The following TFAP2B variants were observed in gnomAD, a reference collection of about 807,000 sequenced individuals.
TFAP2B encodes transcription factor AP-2 beta, also known as transcription factor AP-2-beta.
A neutral mutation model predicts 44.3 loss-of-function variants in TFAP2B; 9 were observed. The ratio of observed to expected loss-of-function variants is 0.20; its 90% CI spans 0.12 to 0.35. The LOEUF is 0.35. Among genes scored for constraint, TFAP2B ranks in the 10% least tolerant of loss-of-function variants. The probability of loss-of-function intolerance (pLI) is 1.00; values close to 1 mark genes in which losing one functional copy is unlikely to be tolerated. For missense variants in TFAP2B, 509 were observed against 600.0 expected (o/e 0.85, Z 1.59); for synonymous variants, 270 against 263.8 (o/e 1.02, Z -0.23).
rs142077493 is a variant in TFAP2B, at chr6:50,821,410, T to C, written c.82-1997T>C. On this transcript the variant is annotated intron_variant, in intron 1 of 6. Transcript: ENST00000393655. ...TGATGAAGCAACCCTTTTTATTTTG[T>C]TTTTGTAATCCTCACACAAAGCACC... Among the ~76,000 whole-genome samples, 140 of 152,312 alleles carry C rather than the reference T, an allele frequency of 9.2e-4. No homozygotes were observed. The East Asian group carries it at 0.025, about 28-fold the overall frequency.
At chr6:50,819,372 C>A (rs1391761667) in intron 1 of TFAP2B, among the ~76,000 whole-genome samples, 1 of 151,582 alleles carries the variant, frequency 6.6e-6, no homozygotes, top group Non-Finnish European at 1.5e-5. Flanking sequence ...GGTTTTCAAG[C>A]CTCATTTGTA....
chr6:50,826,349 G>A (rs1178020780), intron 2 of TFAP2B, among the ~76,000 whole-genome samples: 1 of 152,152 alleles, frequency 6.6e-6, no homozygotes, highest in Non-Finnish European at 1.5e-5. Flanking sequence ...TGGGTCGAGG[G>A]TTTTGTTGTG....
Position 50,844,813 on chromosome 6 carries a change from A to G in TFAP2B, c.*1421A>G, listed in dbSNP as rs980349193. 6.6e-6 allele frequency: 1 copy of G among 152,272 alleles called. No homozygotes were observed. The highest frequency in any genetic ancestry group is 2.4e-5 in the African/African-American group (1 of 41,472). The allele number at this position is 152,272 out of a possible 1,614,324, so 9.4% of individuals were successfully genotyped here. A position where few individuals can be genotyped will look rare whatever the true frequency, so the allele number is the denominator to read the frequency against. On this transcript the variant is annotated 3_prime_UTR_variant, in exon 7 of 7. Transcript: ENST00000393655. ...TGGACGTGGGGAGGAGGGCGGCACAAGCACCCACATTTCTGTAACAATTGC... is the reference window on the plus strand; with the variant it reads ...TGGACGTGGGGAGGAGGGCGGCACAGGCACCCACATTTCTGTAACAATTGC...
At chr6:50,834,490 G>C (rs1762581845) in intron 3 of TFAP2B, among the ~76,000 whole-genome samples, 1 of 152,164 alleles carries the variant, frequency 6.6e-6, no homozygotes, top group African/African-American at 2.4e-5. Context: ...TTTTCCACAA[G>C]GTGTTTGTAA....
upstream of TFAP2B, among the ~76,000 whole-genome samples, chr6:50,818,377 A>T (rs1287419435): frequency 6.6e-6 from 1 of 152,188 alleles, no homozygotes; most frequent in East Asian, 1.9e-4. Flanking sequence ...AACATACATG[A>T]ATAGGAGGGA....
chr6:50,834,086 G>A (rs942801391), intron 3 of TFAP2B, among the ~76,000 whole-genome samples: 1 of 152,156 alleles, frequency 6.6e-6, no homozygotes, highest in Non-Finnish European at 1.5e-5. Context: ...CCTTCACTAT[G>A]AGTCTGAATT....
chr6:50,833,192 A>C (rs898948439), intron 3 of TFAP2B, among the ~76,000 whole-genome samples: 2 of 152,228 alleles, frequency 1.3e-5, no homozygotes, highest in African/African-American at 4.8e-5. Flanking sequence ...AATTACTAAC[A>C]AATCAACCAG....
intron 3 of TFAP2B, among the ~76,000 whole-genome samples, chr6:50,831,725 TC>T (rs1346331023): frequency 6.6e-6 from 1 of 152,080 alleles, no homozygotes; most frequent in East Asian, 1.9e-4. Context: ...GTTGCTTAAC[TC>T]AAAAAAAGGC....
chr6:50,823,928 G>C (rs1263101635), intron 2 of TFAP2B, 63 bp downstream of exon 2: 2 of 1,509,376 alleles, frequency 1.3e-6, no homozygotes, highest in Admixed American at 2.0e-5. Flanking sequence ...CTTCTGGAGG[G>C]GGGGAGGTCA....
In TFAP2B at chr6:50,838,041, C is replaced by G; in HGVS notation, c.888C>G (p.Pro296=). Residue 296 remains proline, a synonymous_variant, in exon 5 of 7, where the codon CCC becomes CCG. Transcript: ENST00000393655. Reference sequence around the variant, plus strand: ...TAGAAAAAATCGGTTTGAATTTACCCGCGGGCAGGCGCAAAGCAGCAAATG... The same window carrying G: ...TAGAAAAAATCGGTTTGAATTTACCGGCGGGCAGGCGCAAAGCAGCAAATG... ...ERLEKIGLNL[P]AGRRKAANVT... 1 of 1,614,140 alleles carries G rather than the reference C, an allele frequency of 6.2e-7. No individual in the cohort carries two copies. The highest frequency in any genetic ancestry group is 8.5e-7 in the Non-Finnish European group (1 of 1,180,022).
At chr6:50,840,012 C>A in intron 5 of TFAP2B, 144 bp from the exon 6 acceptor site, 1 of 1,087,308 alleles carries the variant, frequency 9.2e-7, no homozygotes. Flanking sequence ...AATCATTTTT[C>A]CTTTAGGCAT....
chr6:50,821,551 G>T (rs1369298196), intron 1 of TFAP2B, among the ~76,000 whole-genome samples: 3 of 152,100 alleles, frequency 2.0e-5, no homozygotes, highest in Non-Finnish European at 4.4e-5. Flanking sequence ...AGGAGCAGGG[G>T]CTGCTTTACT....
Position 50,823,348 on chromosome 6 carries a change from T to C in TFAP2B, c.82-59T>C, listed in dbSNP as rs1770407751. ...TGTACTCTCTGTCTCTCTCTGCCTC[T>C]ATCTCTCTTTCTCTGTCTCCTTCTC... is the stretch of plus-strand genomic sequence containing the variant. On this transcript the variant is annotated intron_variant, in intron 1 of 6. Coordinates refer to ENST00000393655, the MANE Select transcript of TFAP2B (RefSeq NM_003221.4). 24 of 1,415,268 alleles carry C rather than the reference T, an allele frequency of 1.7e-5. No individual in the cohort carries two copies. The Middle Eastern group carries it at 6.9e-4, about 41-fold the overall frequency. 87.7% of individuals were successfully genotyped at this position (1,415,268 alleles called of 1,614,324 possible).
intron 1 of TFAP2B, among the ~76,000 whole-genome samples, chr6:50,820,496 A>G (rs911206436): frequency 1.3e-5 from 2 of 152,368 alleles, no homozygotes; most frequent in South Asian, 2.1e-4. Context: ...AGAGAGCGCG[A>G]GAGAGCAGAG....
Position 50,846,546 on chromosome 6 carries a change from CAGG to C in TFAP2B, c.*3160_*3162del, listed in dbSNP as rs762548750. ...AGTCCCAAAACAAAATAGCGAAAGACAGGAGGAGTCAGGATGTGGCAGTGCTGC... is the reference window on the plus strand; with the variant it reads ...AGTCCCAAAACAAAATAGCGAAAGACAGGAGTCAGGATGTGGCAGTGCTGC... On this transcript the variant is annotated 3_prime_UTR_variant, in exon 7 of 7. Coordinates refer to ENST00000393655, the MANE Select transcript of TFAP2B (RefSeq NM_003221.4). The C allele has an allele frequency of 2.7e-3, 406 of 152,512 alleles. 2 individuals are homozygous for C. Among genetic ancestry groups the C allele is most frequent in the Non-Finnish European group, 2.6e-3 (179 of 68,094 alleles). 9.4% of individuals were successfully genotyped at this position (152,512 alleles called of 1,614,324 possible).
rs1034249426 is a variant in TFAP2B, at chr6:50,823,270, C to T, written c.82-137C>T. The stretch of plus-strand genomic sequence containing the variant: ...CTTGCTTCCCTTGTCCCGGGAAGAG[C>T]GTACAAAAGCCGGGCTTCTCCATTT... On this transcript the variant is annotated intron_variant, in intron 1 of 6. Transcript: ENST00000393655. The T allele has an allele frequency of 6.7e-4, 529 of 790,004 alleles. 4 individuals carry two copies. Among genetic ancestry groups the T allele is most frequent in the Non-Finnish European group, 9.9e-4 (455 of 459,440 alleles). 48.9% of individuals were successfully genotyped at this position (790,004 alleles called of 1,614,324 possible).
chr6:50,831,675 G>C (rs547636977), intron 3 of TFAP2B, among the ~76,000 whole-genome samples: 48 of 151,912 alleles, frequency 3.2e-4, no homozygotes, highest in African/African-American at 1.1e-3. Flanking sequence ...GGAGGAAGAG[G>C]GTGTACCCAG....
chr6:50,829,917 A>G (rs1770628604), intron 3 of TFAP2B, among the ~76,000 whole-genome samples: 1 of 151,970 alleles, frequency 6.6e-6, no homozygotes, highest in Non-Finnish European at 1.5e-5. Context: ...GGTTTGGGGC[A>G]TAACTATTTA....
chr6:50,838,273 A>T (rs1762661239), intron 5 of TFAP2B, among the ~76,000 whole-genome samples, 180 bp downstream of exon 5: 1 of 152,218 alleles, frequency 6.6e-6, no homozygotes, highest in Non-Finnish European at 1.5e-5. Flanking sequence ...GGAAGCCAGC[A>T]GTTGTAGACA....
Sources: allele counts gnomAD v4.1 joint callset (sites outside exome capture counted in the v4.1 genomes callset), GRCh38; gene constraint gnomAD v4.1.1; transcripts MANE v1.5; gene names NCBI Gene and HGNC (gene_info 2026-07-23, HGNC 2026-07-21).